Variants in UNC13A observed in about 807,000 individuals in gnomAD.
UNC13A encodes the protein protein unc-13 homolog A.
A neutral mutation model predicts 219.7 loss-of-function variants in UNC13A; 61 were observed. The observed-to-expected ratio is 0.28, with a 90% CI of 0.23 to 0.34. The LOEUF (loss-of-function observed/expected upper bound fraction) is 0.34. Ranked by LOEUF, UNC13A falls within the 10% of genes least tolerant of loss-of-function variation. The pLI, the probability that UNC13A is intolerant of heterozygous loss-of-function variation, is 1.00. For synonymous variants in UNC13A, 920 were observed against 884.6 expected (o/e 1.04, Z -0.71); for missense variants, 1,476 against 2,270.3 (o/e 0.65, Z 7.11).
chr19:17,618,835 T>C lies in UNC13A; in HGVS notation c.4329+71A>G, dbSNP rs2076695572. ...TCATCCTGGGACCCCTCCCCCAGGA[T>C]GGTGGCAACCTGGAAGCCACATGAG... On this transcript the variant is annotated intron_variant, in intron 39 of 43. Transcript: ENST00000519716. The C allele has an allele frequency of 2.0e-6, 3 of 1,501,520 alleles. No homozygotes were observed. The South Asian group carries it at 3.4e-5, about 17-fold the overall frequency. The allele number at this position is 1,501,520 out of a possible 1,614,324, so 93.0% of individuals were successfully genotyped here.
At position 17,616,354 on chromosome 19, in the gene UNC13A, G is replaced by A. The variant is rs535536362; in HGVS notation, c.4558+1348C>T. The A allele has an allele frequency of 5.8e-6, 4 of 684,600 alleles. No homozygotes were observed. In the Admixed American group the frequency reaches 6.2e-5, roughly 11 times the overall value. The allele number at this position is 684,600 out of a possible 1,614,324, so 42.4% of individuals were successfully genotyped here. On this transcript the variant is annotated intron_variant, in intron 41 of 43. Coordinates refer to ENST00000519716, the MANE Select transcript of UNC13A (RefSeq NM_001080421.3). ...CTTTTACTAGCCGGGGCCAGGAGGG[G>A]CGCAGGCACCGGGCACCAGGCGCGG...
At chr19:17,648,870 C>T (rs1437320552) in intron 15 of UNC13A, 42 bp downstream of exon 15, 5 of 1,558,580 alleles carry the variant, frequency 3.2e-6, no homozygotes, top group Non-Finnish European at 4.3e-6. Flanking sequence ...GCTCCTAGCC[C>T]AGTCCATCCC....
intron 17 of UNC13A, among the ~76,000 whole-genome samples, chr19:17,646,401 G>T (rs996447643): frequency 1.3e-5 from 2 of 151,982 alleles, no homozygotes; most frequent in East Asian, 1.9e-4. Flanking sequence ...TTACCCGCAC[G>T]TGCCACCCCA....
chr19:17,653,450 C>T (rs985685311), intron 11 of UNC13A, among the ~76,000 whole-genome samples: 2 of 151,748 alleles, frequency 1.3e-5, no homozygotes, highest in Non-Finnish European at 2.9e-5. Flanking sequence ...TGGGTTCAAG[C>T]GATTCTCCTG....
intron 36 of UNC13A, 26 bp downstream of exon 36, chr19:17,623,504 GGACGGACAGACA>G (rs1201084920): frequency 5.2e-6 from 8 of 1,524,298 alleles, no homozygotes; most frequent in South Asian, 2.5e-5. Flanking sequence ...GACACAGAGA[GGACGGACAGACA>G]GACGGACAGA....
At chr19:17,669,808 C>T in intron 4 of UNC13A, 132 bp from the exon 5 acceptor site, 1 of 1,062,880 alleles carries the variant, frequency 9.4e-7, no homozygotes, top group Non-Finnish European at 1.3e-6. Flanking sequence ...TCTATCTTTC[C>T]TTCCGTCCTT....
At chr19:17,648,377 GC>G (rs2079282618) in intron 16 of UNC13A, 53 bp downstream of exon 16, 1 of 1,138,386 alleles carries the variant, frequency 8.8e-7, no homozygotes, top group Non-Finnish European at 1.1e-6. Context: ...CGCCATGCAA[GC>G]CCCGGGGCTC....
chr19:17,682,542 G>T (rs1359458274), intron 1 of UNC13A, among the ~76,000 whole-genome samples: 1 of 152,176 alleles, frequency 6.6e-6, no homozygotes, highest in Non-Finnish European at 1.5e-5. Context: ...GTGAGGCCAG[G>T]TTAGGGAAAG....
At chr19:17,631,205 T>TTCCTTCCTTCCTTCCTCCC (rs2076849246) in intron 28 of UNC13A, among the ~76,000 whole-genome samples, 1 of 45,050 alleles carries the variant, frequency 2.2e-5, no homozygotes, top group Non-Finnish European at 4.7e-5. Flanking sequence ...CCTCCCTCCC[T>TTCCTTCCTTCCTTCCTCCC]TCCTTCCTTC....
At chr19:17,631,198 C>CCCTCCCTTCCTT (rs2076848357) in intron 28 of UNC13A, among the ~76,000 whole-genome samples, 1 of 55,814 alleles carries the variant, frequency 1.8e-5, no homozygotes, top group Non-Finnish European at 3.8e-5. Context: ...TTCCCTCCCT[C>CCCTCCCTTCCTT]CCTCCCTTCC....
Position 17,639,542 on chromosome 19 carries a change from G to A in UNC13A, c.2857-17C>T, listed in dbSNP as rs766657152. On this transcript the variant is annotated splice_polypyrimidine_tract_variant and intron_variant, in intron 23 of 43. Transcript: ENST00000519716. ...GAAGTTATTCTGTTGGGAGCAGGAAGAGATGTGGGGTTATGGAAGAAGGCG... is the reference window on the plus strand; with the variant it reads ...GAAGTTATTCTGTTGGGAGCAGGAAAAGATGTGGGGTTATGGAAGAAGGCG... The A allele has an allele frequency of 7.5e-6, 12 of 1,610,462 alleles. No homozygotes were observed. The East Asian group carries it at 2.7e-4, about 36-fold the overall frequency.
Position 17,632,796 on chromosome 19 carries a change from C to T in UNC13A, c.3414G>A (p.Val1138=), listed in dbSNP as rs1420458561. The change falls in exon 28 of 44, where the codon GTG becomes GTA. Residue 1138 remains valine, a synonymous_variant. Coordinates refer to ENST00000519716, the MANE Select transcript of UNC13A (RefSeq NM_001080421.3). ...VTELPAFKDR[V]PEYPAWFEPF... ...AGGGGACTTACGCAGGGTACTCAGG[C>T]ACGCGGTCCTTGAAGGCGGGAAGTT... 2 of 1,613,784 alleles carry T rather than the reference C, an allele frequency of 1.2e-6. No homozygotes were observed. Among genetic ancestry groups the T allele is most frequent in the African/African-American group, 2.7e-5 (2 of 74,926 alleles).
intron 6 of UNC13A, among the ~76,000 whole-genome samples, chr19:17,667,208 G>A (rs1025746414): frequency 6.6e-6 from 1 of 150,550 alleles, no homozygotes; most frequent in Admixed American, 6.6e-5. Flanking sequence ...CCAAGATCGT[G>A]CCACTGCACT....
At chr19:17,609,433 A>C (rs1223362284) in intron 43 of UNC13A, among the ~76,000 whole-genome samples, 3 of 148,406 alleles carry the variant, frequency 2.0e-5, no homozygotes, top group African/African-American at 5.0e-5. Context: ...TCTACACTCC[A>C]CTCCTGTCCC....
intron 12 of UNC13A, among the ~76,000 whole-genome samples, chr19:17,650,933 A>ATTT (rs34451347): frequency 2.3e-5 from 3 of 128,272 alleles, no homozygotes; most frequent in Admixed American, 8.3e-5. Flanking sequence ...CACCCAGCAA[A>ATTT]TTTTTTTTTT....
At position 17,602,370 on chromosome 19, in the gene UNC13A, TC is replaced by T. The variant is rs1376293400; in HGVS notation, c.*3683del. The T allele has an allele frequency of 1.3e-5, 2 of 152,354 alleles. No homozygotes were observed. Among genetic ancestry groups the T allele is most frequent in the Non-Finnish European group, 2.9e-5 (2 of 68,116 alleles). The allele number at this position is 152,354 out of a possible 1,614,324, so 9.4% of individuals were successfully genotyped here. A position where few individuals can be genotyped will look rare whatever the true frequency, so the allele number is the denominator to read the frequency against. On this transcript the variant is annotated 3_prime_UTR_variant, in exon 44 of 44. Coordinates refer to ENST00000519716, the MANE Select transcript of UNC13A (RefSeq NM_001080421.3). Reference sequence around the variant, plus strand: ...GATCTCACCCTCTGTCTCTGTGTTTTCTACTCTATTCCTCTTGGTCAGGGGA... The same window carrying T: ...GATCTCACCCTCTGTCTCTGTGTTTTTACTCTATTCCTCTTGGTCAGGGGA...
At chr19:17,680,405 A>C (rs2079984546) in intron 1 of UNC13A, among the ~76,000 whole-genome samples, 1 of 150,882 alleles carries the variant, frequency 6.6e-6, no homozygotes, top group South Asian at 2.1e-4. Flanking sequence ...AGGGCGTGGG[A>C]GGCGCGCCGG....
chr19:17,669,104 G>A (rs1292989016), intron 5 of UNC13A, among the ~76,000 whole-genome samples: 2 of 152,162 alleles, frequency 1.3e-5, no homozygotes. Context: ...CCAGCCATGG[G>A]TTCTTAGAAG....
chr19:17,662,511 T>C (rs2079568056), intron 8 of UNC13A, among the ~76,000 whole-genome samples: 1 of 152,092 alleles, frequency 6.6e-6, no homozygotes, highest in Non-Finnish European at 1.5e-5. Flanking sequence ...ACAAATGCAG[T>C]GAACTTGAAT....
Sources: gnomAD v4.1 joint callset for allele counts (sites outside exome capture counted in the v4.1 genomes callset) on GRCh38, gnomAD v4.1.1 for gene constraint, MANE v1.5 for transcripts, NCBI Gene and HGNC (gene_info 2026-07-23, HGNC 2026-07-21) for gene names.